The following DOCK3 variants were observed in gnomAD, a reference collection of about 807,000 sequenced individuals.
DOCK3 encodes dedicator of cytokinesis 3, also known as dedicator of cytokinesis protein 3.
DOCK3 carries 60 observed loss-of-function variants against 265.6 expected under a neutral mutation model. The ratio of observed to expected loss-of-function variants is 0.23; its 90% CI spans 0.18 to 0.28. The LOEUF (loss-of-function observed/expected upper bound fraction) is 0.28, where lower values mean the gene tolerates loss of function less well. Ranked by LOEUF, DOCK3 falls within the 10% of genes least tolerant of loss-of-function variation. The pLI is 1.00. For missense variants in DOCK3, 1,981 were observed against 2,594.3 expected, an observed-to-expected ratio of 0.76 and a Z score of 5.14; for synonymous variants, 881 against 938.0, an observed-to-expected ratio of 0.94 and a Z score of 1.11.
At chr3:51,376,777 AT>A (rs1035670071) in intron 51 of DOCK3, among the ~76,000 whole-genome samples, 15 of 152,286 alleles carry the variant, frequency 9.8e-5, no homozygotes, top group African/African-American at 3.6e-4. Context: ...CCCCACTGTT[AT>A]GCTCCGCCTT....
intron 27 of DOCK3, among the ~76,000 whole-genome samples, chr3:51,308,501 C>T (rs889581140): frequency 1.3e-5 from 2 of 151,362 alleles, no homozygotes; most frequent in Non-Finnish European, 2.9e-5. Context: ...CCTGAGTGGA[C>T]ACAGCACATG....
intron 9 of DOCK3, among the ~76,000 whole-genome samples, chr3:51,135,768 G>A (rs921352533): frequency 1.3e-5 from 2 of 151,938 alleles, no homozygotes; most frequent in African/African-American, 4.8e-5. Flanking sequence ...TGCCTAGGCT[G>A]GGAGTGCAAG....
chr3:51,229,123 A>G (rs1449014457), intron 18 of DOCK3, among the ~76,000 whole-genome samples: 2 of 152,062 alleles, frequency 1.3e-5, no homozygotes, highest in Non-Finnish European at 2.9e-5. Flanking sequence ...CCTGTCCTTG[A>G]CTGGGAGAGT....
At chr3:50,702,724 T>C (rs1048679334) in intron 1 of DOCK3, among the ~76,000 whole-genome samples, 1 of 152,156 alleles carries the variant, frequency 6.6e-6, no homozygotes, top group African/African-American at 2.4e-5. Context: ...ATTTATCTGT[T>C]CTAAGACTTT....
chr3:51,357,907 G>A, intron 45 of DOCK3, 54 bp from the exon 46 acceptor site: 1 of 1,613,156 alleles, frequency 6.2e-7, no homozygotes, highest in Non-Finnish European at 8.5e-7. Context: ...AAGATGAGCA[G>A]TTCTCAGGGG....
rs1165670565 is a variant in DOCK3 at position 50,683,871 on chromosome 3, C to T, written c.37+8571C>T. Among the ~76,000 whole-genome samples, 11 of 128,752 alleles carry T rather than the reference C, an allele frequency of 8.5e-5. No homozygotes were observed. In the Admixed American group the frequency reaches 9.9e-4, roughly 12 times the overall value. The allele number at this position is 128,752 out of a possible 152,430, so 84.5% of individuals were successfully genotyped here. A position where few individuals can be genotyped will look rare whatever the true frequency, so the allele number is the denominator to read the frequency against. ...CCACCCACTCCCTCTCCCCTCTCCT[C>T]TTGGCTGGTCTTGAACTCCTGACCT... On this transcript the variant is annotated intron_variant, in intron 1 of 52. Coordinates refer to ENST00000266037, the MANE Select transcript of DOCK3 (RefSeq NM_004947.5).
chr3:50,778,431 A>G (rs772820703), intron 1 of DOCK3, among the ~76,000 whole-genome samples: 117 of 152,318 alleles, frequency 7.7e-4, no homozygotes, highest in Middle Eastern at 6.8e-3. Context: ...ATGTTTTTCT[A>G]CAAGCACACA....
Position 51,305,834 on chromosome 3 carries a change from C to CTTTTTTT in DOCK3, c.2923-4382_2923-4376dup, listed in dbSNP as rs761039681. Among the ~76,000 whole-genome samples the CTTTTTTT allele has an allele frequency of 1.5e-3, 76 of 50,558 alleles. 3 individuals are homozygous for CTTTTTTT. The highest frequency in any genetic ancestry group is 3.1e-3 in the African/African-American group (35 of 11,324). 33.2% of individuals were successfully genotyped at this position (50,558 alleles called of 152,430 possible). ...TCTGAGAATGTCTTGATTTCTTCTT[C>CTTTTTTT]TTTTTTTTTTTTTTTTTTTTTTGAG... On this transcript the variant is annotated intron_variant, in intron 27 of 52. Coordinates refer to ENST00000266037, the MANE Select transcript of DOCK3 (RefSeq NM_004947.5).
At chr3:51,239,953 A>G (rs952518145) in intron 21 of DOCK3, among the ~76,000 whole-genome samples, 7 of 151,896 alleles carry the variant, frequency 4.6e-5, no homozygotes, top group African/African-American at 1.5e-4. Flanking sequence ...CTTTGGTTCA[A>G]TTCTGATTTT....
chr3:51,282,098 G>A (rs903203976), intron 27 of DOCK3, among the ~76,000 whole-genome samples: 5 of 151,990 alleles, frequency 3.3e-5, no homozygotes, highest in African/African-American at 9.7e-5. Context: ...TTCTATACCC[G>A]ACCCAATTGG....
intron 2 of DOCK3, among the ~76,000 whole-genome samples, chr3:50,782,024 A>G (rs2041941290): frequency 6.6e-6 from 1 of 152,162 alleles, no homozygotes. Flanking sequence ...GTAGTCTACA[A>G]TTGATGGGCA....
intron 14 of DOCK3, among the ~76,000 whole-genome samples, chr3:51,217,784 C>T (rs150688637): frequency 5.9e-5 from 9 of 152,048 alleles, no homozygotes; most frequent in South Asian, 4.2e-4. Flanking sequence ...TAAAGAAAAC[C>T]GTTAGCCAAA....
rs1416716230 is a variant in DOCK3, at chr3:51,016,784, ATATAAATATATATGATATATGT to A, written c.316-47662_316-47641del. On this transcript the variant is annotated intron_variant, in intron 5 of 52. Transcript: ENST00000266037. ...TATGATATATGTTTATATATATCAT[ATATAAATATATATGATATATGT>A]TTATATATATCATATATAAATATAT... Among the ~76,000 whole-genome samples, 26 of 18,932 alleles carry A rather than the reference ATATAAATATATATGATATATGT, an allele frequency of 1.4e-3. 6 individuals carry two copies. The highest frequency in any genetic ancestry group is 0.012 in the South Asian group (4 of 338). 12.4% of individuals were successfully genotyped at this position (18,932 alleles called of 152,430 possible).
At chr3:51,028,150 G>C (rs1398407630) in intron 5 of DOCK3, among the ~76,000 whole-genome samples, 1 of 152,030 alleles carries the variant, frequency 6.6e-6, no homozygotes. Flanking sequence ...CTTAACGTTT[G>C]CTTTTCTAGG....
In DOCK3 at chr3:50,675,648, CA is replaced by C. The variant is rs1402059935; in HGVS notation, c.37+352del. Among the ~76,000 whole-genome samples, 3 of 152,172 alleles carry C rather than the reference CA, an allele frequency of 2.0e-5. No homozygotes were observed. The highest frequency in any genetic ancestry group is 3.9e-4 in the East Asian group (2 of 5,190). On this transcript the variant is annotated intron_variant, in intron 1 of 52. Transcript: ENST00000266037. The surrounding 1 kb of genome is among the most constrained non-coding windows in gnomAD (Gnocchi z 6.1). ...TTCTGGGAATATGTTTTCTCCCCTCCAAAAGCTCGATTTTAATGAGTTTCCG... is the reference window on the plus strand; with the variant it reads ...TTCTGGGAATATGTTTTCTCCCCTCCAAAGCTCGATTTTAATGAGTTTCCG...
intron 33 of DOCK3, among the ~76,000 whole-genome samples, chr3:51,330,720 A>G (rs949906367): frequency 1.3e-5 from 2 of 152,162 alleles, no homozygotes; most frequent in Non-Finnish European, 2.9e-5. Flanking sequence ...GTTGTACTGA[A>G]TGATGTCAGG....
rs543742207 is a variant in DOCK3, at chr3:51,206,291, AATATT to A, written c.1038-2476_1038-2472del. ...AATTATTCCATTTATTTGTTCAACA[AATATT>A]ATATTAAGCACTTATTATGTGCTAC... On this transcript the variant is annotated intron_variant, in intron 12 of 52. Coordinates refer to ENST00000266037, the MANE Select transcript of DOCK3 (RefSeq NM_004947.5). Among the ~76,000 whole-genome samples, 70 of 152,348 alleles carry A rather than the reference AATATT, an allele frequency of 4.6e-4. 1 individual carries two copies. In the South Asian group the frequency reaches 0.012, roughly 26 times the overall value.
intron 12 of DOCK3, among the ~76,000 whole-genome samples, chr3:51,190,473 T>C (rs2087877372): frequency 6.6e-6 from 1 of 152,200 alleles, no homozygotes; most frequent in African/African-American, 2.4e-5. Context: ...AGTAATGAAC[T>C]GGTCACTGGG....
intron 1 of DOCK3, among the ~76,000 whole-genome samples, chr3:50,715,874 T>C (rs184016041): frequency 2.0e-5 from 3 of 152,284 alleles, no homozygotes; most frequent in Non-Finnish European, 4.4e-5. Context: ...TATTAAACTT[T>C]TGTTATGTCT....
Sources: allele counts gnomAD v4.1 joint callset (sites outside exome capture counted in the v4.1 genomes callset), GRCh38; gene constraint gnomAD v4.1.1; non-coding constraint Gnocchi (gnomAD v3.1); transcripts MANE v1.5; gene names NCBI Gene and HGNC (gene_info 2026-07-23, HGNC 2026-07-21).